Variants in MINDY3 observed in about 807,000 individuals in gnomAD.
MINDY3 encodes the protein MINDY lysine 48 deubiquitinase 3, also known as ubiquitin carboxyl-terminal hydrolase MINDY-3.
In MINDY3, 38 loss-of-function variants were observed where a neutral mutation model predicts 69.2. That is an observed-to-expected ratio of 0.55 (90% CI 0.42 to 0.72). MINDY3 has a LOEUF of 0.72. Ranked by LOEUF, MINDY3 falls within the 30% of genes least tolerant of loss-of-function variation. The pLI, the probability that MINDY3 is intolerant of heterozygous loss-of-function variation, is 0.00. For synonymous variants in MINDY3, 192 were observed against 180.1 expected (o/e 1.07, Z -0.53); for missense variants, 522 against 519.0 (o/e 1.01, Z -0.06).
chr10:15,858,196 G>A (rs1333067125), intron 1 of MINDY3, among the ~76,000 whole-genome samples: 1 of 152,130 alleles, frequency 6.6e-6, no homozygotes, highest in African/African-American at 2.4e-5. Flanking sequence ...CTTAATCAGT[G>A]TAAGGCCTTG....
At chr10:15,780,291 G>T (rs988182058) in intron 14 of MINDY3, among the ~76,000 whole-genome samples, 6 of 152,092 alleles carry the variant, frequency 3.9e-5, no homozygotes, top group African/African-American at 1.4e-4. Flanking sequence ...AAGATACATT[G>T]TAACGTGAAA....
At chr10:15,796,488 CAAAA>C (rs1249721556) in intron 10 of MINDY3, among the ~76,000 whole-genome samples, 1 of 140,508 alleles carries the variant, frequency 7.1e-6, no homozygotes, top group South Asian at 2.2e-4. Flanking sequence ...AAAAAAAAAA[CAAAA>C]AACAAAACAA....
chr10:15,814,196 T>C (rs1357976327), intron 10 of MINDY3, among the ~76,000 whole-genome samples: 1 of 152,150 alleles, frequency 6.6e-6, no homozygotes, highest in African/African-American at 2.4e-5. Context: ...GATCAAGTAT[T>C]ATTGTTCTTA....
chr10:15,832,331 G>A (rs142412788), intron 8 of MINDY3, among the ~76,000 whole-genome samples: 1 of 152,020 alleles, frequency 6.6e-6, no homozygotes, highest in Non-Finnish European at 1.5e-5. Flanking sequence ...ATACCTGGGG[G>A]TCCAGAAACA....
intron 8 of MINDY3, among the ~76,000 whole-genome samples, chr10:15,832,707 C>T (rs181075742): frequency 1.1e-4 from 16 of 152,128 alleles, no homozygotes; most frequent in Admixed American, 5.2e-4. Flanking sequence ...AACAGTAAAA[C>T]GGGTTGTACT....
chr10:15,811,774 T>A (rs573218189), intron 10 of MINDY3, among the ~76,000 whole-genome samples: 1 of 152,178 alleles, frequency 6.6e-6, no homozygotes, highest in Non-Finnish European at 1.5e-5. Flanking sequence ...TAGGGTCTAA[T>A]ACATGAAGCT....
At chr10:15,801,546 A>G (rs1205314948) in intron 10 of MINDY3, among the ~76,000 whole-genome samples, 2 of 152,088 alleles carry the variant, frequency 1.3e-5, no homozygotes, top group Non-Finnish European at 2.9e-5. Context: ...CAAAGGCACC[A>G]AAGTAGTTAA....
intron 3 of MINDY3, among the ~76,000 whole-genome samples, chr10:15,842,090 T>C (rs1348571351): frequency 2.6e-5 from 4 of 151,754 alleles, no homozygotes. Context: ...CCAAAGTCCA[T>C]TACATCAGCA....
intron 6 of MINDY3, among the ~76,000 whole-genome samples, chr10:15,835,135 T>C (rs1331563533): frequency 2.6e-5 from 4 of 152,106 alleles, no homozygotes; most frequent in Non-Finnish European, 5.9e-5. Context: ...GTCATTCAAA[T>C]GTATACTGAC....
At chr10:15,837,647 G>A in intron 5 of MINDY3, 1 of 1,189,722 alleles carries the variant, frequency 8.4e-7, no homozygotes, top group Non-Finnish European at 1.1e-6. Flanking sequence ...GTAAGAGGGG[G>A]TAAACACAAA....
At chr10:15,810,219 T>C (rs1279125720) in intron 10 of MINDY3, among the ~76,000 whole-genome samples, 1 of 152,162 alleles carries the variant, frequency 6.6e-6, no homozygotes, top group Non-Finnish European at 1.5e-5. Context: ...CATGAACCTA[T>C]ACTAGTGCCC....
intron 10 of MINDY3, among the ~76,000 whole-genome samples, chr10:15,815,567 C>T (rs929240978): frequency 1.3e-5 from 2 of 152,152 alleles, no homozygotes; most frequent in Non-Finnish European, 2.9e-5. Flanking sequence ...GAAGAAACCT[C>T]TAAAATACAA....
chr10:15,812,575 A>C (rs1839079487), intron 10 of MINDY3, among the ~76,000 whole-genome samples: 1 of 152,188 alleles, frequency 6.6e-6, no homozygotes, highest in Admixed American at 6.5e-5. Context: ...TAAATTTAAA[A>C]ACTAAGCAGT....
chr10:15,784,922 A>G (rs947860433), intron 13 of MINDY3, among the ~76,000 whole-genome samples: 2 of 152,118 alleles, frequency 1.3e-5, no homozygotes, highest in African/African-American at 4.8e-5. Flanking sequence ...CTGAGCTGCT[A>G]TAGGATGGGA....
intron 9 of MINDY3, 70 bp from the exon 10 acceptor site, chr10:15,816,985 A>G (rs1839418786): frequency 8.8e-7 from 1 of 1,138,100 alleles, no homozygotes; most frequent in Non-Finnish European, 1.3e-6. Context: ...ATTTGCCCAT[A>G]AATATCTGAA....
intron 6 of MINDY3, 61 bp downstream of exon 6, chr10:15,837,143 C>T: frequency 3.5e-6 from 3 of 868,124 alleles, no homozygotes; most frequent in Non-Finnish European, 5.4e-6. Context: ...CTCATCACTG[C>T]AGGAAAAACA....
At chr10:15,814,060 A>T (rs551240370) in intron 10 of MINDY3, among the ~76,000 whole-genome samples, 4 of 152,032 alleles carry the variant, frequency 2.6e-5, no homozygotes, top group Non-Finnish European at 4.4e-5. Flanking sequence ...TTAAAGAAGG[A>T]ATGGCCGAAT....
chr10:15,807,517 A>G (rs1838720143), intron 10 of MINDY3, among the ~76,000 whole-genome samples: 1 of 152,146 alleles, frequency 6.6e-6, no homozygotes, highest in Admixed American at 6.6e-5. Context: ...TATTAACCAT[A>G]CAAGACCTTT....
At chr10:15,852,621 C>T (rs559048343) in intron 1 of MINDY3, among the ~76,000 whole-genome samples, 17 of 152,102 alleles carry the variant, frequency 1.1e-4, no homozygotes, top group African/African-American at 4.1e-4. Context: ...ATTACAAATG[C>T]TGCTGAATAA....
Sources: gnomAD v4.1 joint callset for allele counts (sites outside exome capture counted in the v4.1 genomes callset) on GRCh38, gnomAD v4.1.1 for gene constraint, MANE v1.5 for transcripts, NCBI Gene and HGNC (gene_info 2026-07-23, HGNC 2026-07-21) for gene names.